The following SLC36A2 variants were observed in gnomAD, a reference collection of about 807,000 sequenced individuals.
SLC36A2 encodes the protein proton-coupled amino acid transporter 2.
SLC36A2 carries 39 observed loss-of-function variants against 42.7 expected under a neutral mutation model. The ratio of observed to expected loss-of-function variants is 0.91; its 90% confidence interval spans 0.71 to 1.19. SLC36A2 has a LOEUF of 1.19. Ranked by LOEUF, SLC36A2 falls within the 50% of genes most tolerant of loss-of-function variation. SLC36A2 has a pLI of 0.00. For missense variants in SLC36A2, 590 were observed against 613.7 expected, an observed-to-expected ratio of 0.96 and a Z score of 0.41; for synonymous variants, 237 against 240.8, an observed-to-expected ratio of 0.98 and a Z score of 0.15.
rs374072097 is a variant in SLC36A2 at position 151,340,232 on chromosome 5, GGGA to G, written c.441-1091_441-1089del. Among the ~76,000 whole-genome samples, 148 of 147,378 alleles carry G rather than the reference GGGA, an allele frequency of 1.0e-3. 1 individual carries two copies. The highest frequency in any genetic ancestry group is 3.7e-3 in the Middle Eastern group (1 of 272). On this transcript the variant is annotated intron_variant, in intron 4 of 9. Transcript: ENST00000335244. ...GAGGAGGAGGGAGAGGAGGAGGAAG[GGGA>G]GGAGGAGGAGGGGGAAGAAGAGGAG...
rs1374229353 is a variant in SLC36A2, at chr5:151,316,374, G to A, written c.*443C>T. The A allele has an allele frequency of 5.8e-6, 1 of 172,282 alleles. No homozygotes were observed. The highest frequency in any genetic ancestry group is 2.4e-5 in the African/African-American group (1 of 41,582). 10.7% of individuals were successfully genotyped at this position (172,282 alleles called of 1,614,324 possible). A position where few individuals can be genotyped will look rare whatever the true frequency, so the allele number is the denominator to read the frequency against. ...AAAATGTAAAAAATTACCATTTAGAGCTTGTAGCTTTCTTGTTTCACCATG... is the reference window on the plus strand; with the variant it reads ...AAAATGTAAAAAATTACCATTTAGAACTTGTAGCTTTCTTGTTTCACCATG... On this transcript the variant is annotated 3_prime_UTR_variant, in exon 10 of 10. Transcript: ENST00000335244.
In SLC36A2 at chr5:151,315,478, T is replaced by C. The variant is rs1359655839; in HGVS notation, c.*1339A>G. 1 of 149,922 alleles carries C rather than the reference T, an allele frequency of 6.7e-6. No homozygotes were observed. The allele number at this position is 149,922 out of a possible 1,614,324, so 9.3% of individuals were successfully genotyped here. ...ACCCCATCTCTACGAAAAACAAAAA[T>C]TAGCCAGGCATAGTGGCAGGCACTT... On this transcript the variant is annotated 3_prime_UTR_variant, in exon 10 of 10. Coordinates refer to ENST00000335244, the MANE Select transcript of SLC36A2 (RefSeq NM_181776.3).
rs368182907 is a variant in SLC36A2, at chr5:151,341,602, T to C, written c.440+1286A>G. Among the ~76,000 whole-genome samples the C allele has an allele frequency of 7.2e-5, 11 of 152,288 alleles. No individual in the cohort carries two copies. In the East Asian group the frequency reaches 2.1e-3, roughly 29 times the overall value. On this transcript the variant is annotated intron_variant, in intron 4 of 9. Transcript: ENST00000335244. Reference sequence around the variant, plus strand: ...GTGTTAACCTGTTCTCTGTCACCCCTGAGAGCTAAAAGGTGGGATTTTTCA... The same window carrying C: ...GTGTTAACCTGTTCTCTGTCACCCCCGAGAGCTAAAAGGTGGGATTTTTCA...
intron 6 of SLC36A2, 21 bp downstream of exon 6, chr5:151,335,308 A>G (rs1166473539): frequency 6.3e-7 from 1 of 1,585,620 alleles, no homozygotes; most frequent in African/African-American, 1.3e-5. Context: ...TGGAGTGGGC[A>G]GGTGCATGGT....
intron 5 of SLC36A2, 37 bp downstream of exon 5, chr5:151,339,023 C>A: frequency 6.8e-7 from 1 of 1,476,212 alleles, no homozygotes; most frequent in Non-Finnish European, 9.4e-7. Context: ...TGTCCTTGTC[C>A]ATCTTTTCCC....
At chr5:151,342,633 A>C (rs1756378845) in intron 4 of SLC36A2, among the ~76,000 whole-genome samples, 1 of 152,202 alleles carries the variant, frequency 6.6e-6, no homozygotes, top group African/African-American at 2.4e-5. Flanking sequence ...GGGCCATAGG[A>C]GTAACTGGAT....
At chr5:151,344,323 C>T (rs1756433616) in intron 1 of SLC36A2, 56 bp from the exon 2 acceptor site, 2 of 1,440,812 alleles carry the variant, frequency 1.4e-6, no homozygotes, top group Non-Finnish European at 9.7e-7. Flanking sequence ...GAAGATCCAG[C>T]GGTGATTCCC....
chr5:151,325,963 A>G (rs1015379318), intron 7 of SLC36A2, among the ~76,000 whole-genome samples: 4 of 152,216 alleles, frequency 2.6e-5, no homozygotes, highest in African/African-American at 7.2e-5. Flanking sequence ...AATAATCTGA[A>G]TTTACTTAAT....
chr5:151,326,332 G>C (rs1171886506), intron 7 of SLC36A2, among the ~76,000 whole-genome samples: 1 of 151,626 alleles, frequency 6.6e-6, no homozygotes, highest in African/African-American at 2.4e-5. Flanking sequence ...CCACCTACCA[G>C]TGAATTATAC....
At chr5:151,321,350 T>C (rs1335054133) in intron 9 of SLC36A2, among the ~76,000 whole-genome samples, 1 of 149,980 alleles carries the variant, frequency 6.7e-6, no homozygotes, top group African/African-American at 2.4e-5. Context: ...TCTTTCTTTT[T>C]TTTTTTTTTT....
At position 151,316,765 on chromosome 5, in the gene SLC36A2, A is replaced by AAAT; in HGVS notation, c.*51_*52insATT. 1 of 1,198,412 alleles carries AAAT rather than the reference A, an allele frequency of 8.3e-7. No homozygotes were observed. Among genetic ancestry groups the AAAT allele is most frequent in the Non-Finnish European group, 1.2e-6 (1 of 832,018 alleles). The allele number at this position is 1,198,412 out of a possible 1,614,324, so 74.2% of individuals were successfully genotyped here. On this transcript the variant is annotated 3_prime_UTR_variant, in exon 10 of 10. Transcript: ENST00000335244. ...CAAAAAAAAAAAAAAAAAAAAAAAGAGATCCATATAATTAAAAGTCGGGTG... is the reference window on the plus strand; with the variant it reads ...CAAAAAAAAAAAAAAAAAAAAAAAGAAATGATCCATATAATTAAAAGTCGGGTG...
intron 9 of SLC36A2, 97 bp from the exon 10 acceptor site, chr5:151,317,185 C>T: frequency 1.3e-6 from 2 of 1,484,268 alleles, no homozygotes; most frequent in Non-Finnish European, 1.8e-6. Flanking sequence ...GGCACAGTGG[C>T]TCACACTTGT....
intron 1 of SLC36A2, among the ~76,000 whole-genome samples, chr5:151,347,069 G>C (rs1326829760): frequency 6.6e-6 from 1 of 152,202 alleles, no homozygotes; most frequent in Non-Finnish European, 1.5e-5. Flanking sequence ...TTGAGCCTCA[G>C]TTTCCCCACC....
In SLC36A2 at chr5:151,343,456, A is replaced by C; in HGVS notation, c.344+54T>G. The C allele has an allele frequency of 3.3e-6, 5 of 1,536,040 alleles. No individual in the cohort carries two copies. The Admixed American group carries it at 5.0e-5, about 15-fold the overall frequency. On this transcript the variant is annotated intron_variant, in intron 3 of 9. Coordinates refer to ENST00000335244, the MANE Select transcript of SLC36A2 (RefSeq NM_181776.3). ...ATTATGCATAGGATGTTTCTGGGCT[A>C]TCCCTGAGAACCATGCACCAAAGGA...
In SLC36A2 at chr5:151,335,600, C is replaced by T. The variant is rs543557372; in HGVS notation, c.526-53G>A. 2.1e-4 allele frequency: 276 copies of T among 1,297,690 alleles called. No homozygotes were observed. The South Asian group carries it at 3.2e-3, about 15-fold the overall frequency. The allele number at this position is 1,297,690 out of a possible 1,614,324, so 80.4% of individuals were successfully genotyped here. On this transcript the variant is annotated intron_variant, in intron 5 of 9. Transcript: ENST00000335244. ...GGGGAGATGATGAGTCTTCTAACCT[C>T]ATGGTTGACTCAGTGCCTTGCCCCT...
In SLC36A2 at chr5:151,317,064, C is replaced by T. The variant is rs151035012; in HGVS notation, c.1205G>A (p.Arg402His). 324 of 1,613,884 alleles carry T rather than the reference C, an allele frequency of 2.0e-4. 5 individuals are homozygous for T. The South Asian group carries it at 3.2e-3, about 16-fold the overall frequency. ...LTCLLAILIP[R>H]LDLVISLVGS... ...CACCAGGGAGATGACCAGGTCCAGG[C>T]GGGGGATGAGGATGGCCAGGAGGCC... Residue 402 changes from arginine to histidine, a missense_variant, in exon 10 of 10, where the codon CGC (arginine) becomes CAC (histidine). Coordinates refer to ENST00000335244, the MANE Select transcript of SLC36A2 (RefSeq NM_181776.3).
At chr5:151,345,200 G>T (rs922569579) in intron 1 of SLC36A2, among the ~76,000 whole-genome samples, 4 of 152,208 alleles carry the variant, frequency 2.6e-5, no homozygotes, top group African/African-American at 9.7e-5. Flanking sequence ...CGAGCATGGG[G>T]TTTACACGTG....
chr5:151,321,274 C>T (rs1755679027), intron 9 of SLC36A2, among the ~76,000 whole-genome samples: 1 of 151,936 alleles, frequency 6.6e-6, no homozygotes. Context: ...AAGCAATCTT[C>T]CCACCCTAGC....
At chr5:151,338,893 A>G (rs759371214) in intron 5 of SLC36A2, 167 bp downstream of exon 5, 3 of 599,640 alleles carry the variant, frequency 5.0e-6, no homozygotes, top group South Asian at 3.0e-5. Flanking sequence ...GTAACCACAC[A>G]GAGATCTTCA....
Sources: allele counts gnomAD v4.1 joint callset (sites outside exome capture counted in the v4.1 genomes callset), GRCh38; gene constraint gnomAD v4.1.1; transcripts MANE v1.5; gene names NCBI Gene and HGNC (gene_info 2026-07-23, HGNC 2026-07-21).